The following PTPRD variants were observed in gnomAD, a reference collection of about 807,000 sequenced individuals.
PTPRD encodes the protein protein tyrosine phosphatase receptor type D, also known as receptor-type tyrosine-protein phosphatase delta.
PTPRD carries 34 observed loss-of-function variants against 214.5 expected under a neutral mutation model. That is an observed-to-expected ratio of 0.16 (90% confidence interval 0.12 to 0.21). The LOEUF is 0.21. Among genes scored for constraint, PTPRD ranks in the 10% least tolerant of loss-of-function variants. The probability of loss-of-function intolerance (pLI) is 1.00; values close to 1 mark genes in which losing one functional copy is unlikely to be tolerated. For synonymous variants in PTPRD, 1,128 were observed against 845.7 expected, an observed-to-expected ratio of 1.33 and a Z score of -5.79; for missense variants, 2,545 against 2,398.7, an observed-to-expected ratio of 1.06 and a Z score of -1.27.
chr9:10,133,154 C>A, intron 3 of PTPRD, among the ~76,000 whole-genome samples: 1 of 152,088 alleles, frequency 6.6e-6, no homozygotes, highest in East Asian at 1.9e-4. Context: ...AAGTTGATAA[C>A]CTAGAACATG....
At chr9:8,919,896 A>G (rs1199340867) in intron 11 of PTPRD, among the ~76,000 whole-genome samples, 1 of 151,802 alleles carries the variant, frequency 6.6e-6, no homozygotes, top group South Asian at 2.1e-4. Flanking sequence ...ACATAGATGT[A>G]CATGCATGTA....
rs1165430795 is a variant in PTPRD at position 8,375,794 on chromosome 9, A to C, written c.4661+142T>G. On this transcript the variant is annotated intron_variant, in intron 39 of 45. Coordinates refer to ENST00000381196, the MANE Select transcript of PTPRD (RefSeq NM_002839.4). ...TCAAATCCATCCTATTGATGTTAGC[A>C]TAGGCCTCATTTGACCAAAAGAGAG... The C allele has an allele frequency of 5.0e-5, 45 of 908,770 alleles. No homozygotes were observed. The East Asian group carries it at 1.2e-3, about 24-fold the overall frequency. The allele number at this position is 908,770 out of a possible 1,614,324, so 56.3% of individuals were successfully genotyped here.
At chr9:9,429,986 T>C (rs2082449303) in intron 8 of PTPRD, among the ~76,000 whole-genome samples, 1 of 152,156 alleles carries the variant, frequency 6.6e-6, no homozygotes, top group South Asian at 2.1e-4. Context: ...CTTTGAAAAC[T>C]GGCACAAGAC....
intron 5 of PTPRD, among the ~76,000 whole-genome samples, chr9:9,772,495 C>T (rs1319256005): frequency 6.6e-6 from 1 of 152,110 alleles, no homozygotes; most frequent in Non-Finnish European, 1.5e-5. Context: ...CTCACGGGCT[C>T]ATATAATAGA....
intron 44 of PTPRD, among the ~76,000 whole-genome samples, chr9:8,323,616 TAACTAG>T (rs1288220331): frequency 1.2e-5 from 1 of 86,244 alleles, no homozygotes; most frequent in African/African-American, 8.2e-5. Context: ...AATAGCAAGA[TAACTAG>T]AACTAGAAGT....
chr9:9,208,069 G>C (rs548721931), intron 9 of PTPRD, among the ~76,000 whole-genome samples: 33 of 91,632 alleles, frequency 3.6e-4, no homozygotes, highest in African/African-American at 1.1e-3. Context: ...TCCCAGTCTG[G>C]AGTGCAGTGG....
At chr9:10,209,041 A>T (rs1282061787) in intron 3 of PTPRD, among the ~76,000 whole-genome samples, 1 of 152,222 alleles carries the variant, frequency 6.6e-6, no homozygotes, top group African/African-American at 2.4e-5. Flanking sequence ...TCTAAGGAAT[A>T]ATCTGGCTTC....
At chr9:8,449,481 T>C (rs941847074) in intron 34 of PTPRD, among the ~76,000 whole-genome samples, 3 of 152,222 alleles carry the variant, frequency 2.0e-5, no homozygotes, top group South Asian at 2.1e-4. Context: ...ATAAAGACTA[T>C]AGTTCTTCCA....
At chr9:9,893,145 T>C (rs1601208659) in intron 5 of PTPRD, among the ~76,000 whole-genome samples, 1 of 152,078 alleles carries the variant, frequency 6.6e-6, no homozygotes. Flanking sequence ...ATCAGAGCTA[T>C]GATCTTGTTC....
chr9:9,519,335 C>T (rs1361986269), intron 8 of PTPRD, among the ~76,000 whole-genome samples: 1 of 137,584 alleles, frequency 7.3e-6, no homozygotes, highest in Non-Finnish European at 1.6e-5. Flanking sequence ...AGAAGAAAGA[C>T]AATGAAAATA....
chr9:8,996,451 T>C (rs896057240), intron 11 of PTPRD, among the ~76,000 whole-genome samples: 4 of 152,150 alleles, frequency 2.6e-5, no homozygotes, highest in East Asian at 1.9e-4. Flanking sequence ...AGAGCAGTTG[T>C]TGCCTAATGA....
intron 5 of PTPRD, among the ~76,000 whole-genome samples, chr9:9,783,844 A>C (rs1351061882): frequency 6.8e-6 from 1 of 146,250 alleles, no homozygotes; most frequent in Admixed American, 6.8e-5. Context: ...TTTTAATTAA[A>C]CTTGGTTTGC....
At chr9:8,420,896 C>A (rs1388262452) in intron 35 of PTPRD, among the ~76,000 whole-genome samples, 2 of 150,474 alleles carry the variant, frequency 1.3e-5, no homozygotes, top group Non-Finnish European at 2.9e-5. Context: ...TGTTTTATTT[C>A]AGGCAGAAGA....
At chr9:8,630,036 T>C (rs2096200187) in intron 14 of PTPRD, among the ~76,000 whole-genome samples, 1 of 151,948 alleles carries the variant, frequency 6.6e-6, no homozygotes, top group Non-Finnish European at 1.5e-5. Flanking sequence ...GGTCAGATAT[T>C]TGAATCTCCA....
At chr9:8,852,674 T>C (rs1309577704) in intron 11 of PTPRD, among the ~76,000 whole-genome samples, 2 of 152,254 alleles carry the variant, frequency 1.3e-5, no homozygotes, top group Non-Finnish European at 2.9e-5. Flanking sequence ...CAAACTGTCA[T>C]CTTTTTCATT....
chr9:10,463,187 G>C (rs1225884677), intron 2 of PTPRD, among the ~76,000 whole-genome samples: 1 of 151,836 alleles, frequency 6.6e-6, no homozygotes, highest in South Asian at 2.1e-4. Context: ...ATATATTTCT[G>C]AATATACGAT....
intron 2 of PTPRD, among the ~76,000 whole-genome samples, chr9:10,394,255 A>G (rs974405974): frequency 6.8e-6 from 1 of 147,560 alleles, no homozygotes; most frequent in South Asian, 2.1e-4. Context: ...TAGAAAATAT[A>G]ACCATTTGTC....
chr9:8,801,538 G>C (rs1277748942), intron 11 of PTPRD, among the ~76,000 whole-genome samples: 2 of 152,074 alleles, frequency 1.3e-5, no homozygotes, highest in Non-Finnish European at 2.9e-5. Context: ...CCAACAGGGA[G>C]AAACCCCGTC....
chr9:10,390,856 G>A (rs943871494), intron 2 of PTPRD, among the ~76,000 whole-genome samples: 1 of 151,790 alleles, frequency 6.6e-6, no homozygotes, highest in Non-Finnish European at 1.5e-5. Context: ...TATGGATCAT[G>A]CTATAGGCTT....
Sources: gnomAD v4.1 joint callset for allele counts (sites outside exome capture counted in the v4.1 genomes callset) on GRCh38, gnomAD v4.1.1 for gene constraint, MANE v1.5 for transcripts, NCBI Gene and HGNC (gene_info 2026-07-23, HGNC 2026-07-21) for gene names.